PRKN: variants seen among roughly 807,000 people sequenced by gnomAD.
PRKN encodes the protein E3 ubiquitin-protein ligase parkin.
In PRKN, 56 loss-of-function variants were observed where a neutral mutation model predicts 59.5. The observed-to-expected ratio is 0.94, with a 90% CI of 0.76 to 1.18. PRKN has a LOEUF of 1.18. Ranked by LOEUF, PRKN falls within the 50% of genes most tolerant of loss-of-function variation. The probability of loss-of-function intolerance (pLI) is 0.00; values close to 1 mark genes in which losing one functional copy is unlikely to be tolerated. For synonymous variants in PRKN, 250 were observed against 222.1 expected (o/e 1.13, Z -1.12); for missense variants, 657 against 596.4 (o/e 1.10, Z -1.06).
chr6:161,684,064 A>T (rs959992313), intron 7 of PRKN, among the ~76,000 whole-genome samples: 5 of 152,228 alleles, frequency 3.3e-5, no homozygotes, highest in East Asian at 3.8e-4. Context: ...TAAGTATTTT[A>T]AAAAGATATA....
At chr6:162,567,027 T>C (rs1345126260) in intron 1 of PRKN, among the ~76,000 whole-genome samples, 7 of 152,298 alleles carry the variant, frequency 4.6e-5, no homozygotes, top group Middle Eastern at 3.4e-3. Context: ...ATGATTTCAA[T>C]TGATGCTGAA....
At chr6:161,662,389 G>A (rs1784580505) in intron 7 of PRKN, among the ~76,000 whole-genome samples, 1 of 152,144 alleles carries the variant, frequency 6.6e-6, no homozygotes, top group South Asian at 2.1e-4. Context: ...AATGGACTTT[G>A]TTGTTTCGAG....
intron 1 of PRKN, among the ~76,000 whole-genome samples, chr6:162,600,488 C>T (rs536245990): frequency 3.5e-4 from 53 of 152,102 alleles, no homozygotes; most frequent in Non-Finnish European, 6.3e-4. Flanking sequence ...TAAGTGTATA[C>T]GTAAGAGTAC....
At chr6:161,807,715 T>C (rs1309087355) in intron 6 of PRKN, among the ~76,000 whole-genome samples, 4 of 152,176 alleles carry the variant, frequency 2.6e-5, no homozygotes, top group African/African-American at 9.7e-5. Flanking sequence ...ACTGCCTCTG[T>C]ACGTCTTCCC....
chr6:161,358,627 C>T (rs2114854636), intron 11 of PRKN, among the ~76,000 whole-genome samples: 1 of 151,910 alleles, frequency 6.6e-6, no homozygotes, highest in South Asian at 2.1e-4. Flanking sequence ...CTGTGCTTTA[C>T]ACCCTTGTCA....
At chr6:161,883,255 A>C (rs889288042) in intron 6 of PRKN, among the ~76,000 whole-genome samples, 4 of 151,976 alleles carry the variant, frequency 2.6e-5, no homozygotes, top group African/African-American at 9.7e-5. Flanking sequence ...TCATCCTAGC[A>C]CTTTGGGAGG....
At chr6:162,473,803 G>A (rs1218370517) in intron 1 of PRKN, among the ~76,000 whole-genome samples, 2 of 152,082 alleles carry the variant, frequency 1.3e-5, no homozygotes, top group African/African-American at 2.4e-5. Context: ...GATGGCAAGT[G>A]TGGAAAGAGC....
At chr6:162,436,452 C>T (rs1403887979) in intron 2 of PRKN, among the ~76,000 whole-genome samples, 1 of 151,596 alleles carries the variant, frequency 6.6e-6, no homozygotes, top group African/African-American at 2.4e-5. Context: ...CCGCCTCAGC[C>T]TTCCACGTAG....
chr6:161,583,187 T>G (rs1781406866), intron 7 of PRKN, among the ~76,000 whole-genome samples: 1 of 152,220 alleles, frequency 6.6e-6, no homozygotes, highest in Admixed American at 6.5e-5. Context: ...GATGTCACTC[T>G]GAGCACACAG....
At chr6:161,877,849 A>G (rs1302388115) in intron 6 of PRKN, among the ~76,000 whole-genome samples, 1 of 152,092 alleles carries the variant, frequency 6.6e-6, no homozygotes, top group Non-Finnish European at 1.5e-5. Context: ...CTAGGATGGC[A>G]TGTGGGGTGG....
chr6:161,964,954 A>G (rs1029828641), intron 6 of PRKN, among the ~76,000 whole-genome samples: 19 of 152,088 alleles, frequency 1.2e-4, no homozygotes, highest in African/African-American at 4.6e-4. Flanking sequence ...CTATAGCCAG[A>G]ATTAATATGT....
At chr6:161,754,121 G>A (rs1223513995) in intron 7 of PRKN, among the ~76,000 whole-genome samples, 1 of 152,144 alleles carries the variant, frequency 6.6e-6, no homozygotes, top group Admixed American at 6.5e-5. Flanking sequence ...CTGGAATGGA[G>A]GCAGGATTTC....
intron 3 of PRKN, among the ~76,000 whole-genome samples, chr6:162,259,886 T>C (rs965945269): frequency 5.9e-5 from 9 of 152,116 alleles, no homozygotes; most frequent in Non-Finnish European, 8.8e-5. Context: ...GAGTACAAAA[T>C]AGCAAGTAAT....
At chr6:162,559,145 C>T (rs1013129943) in intron 1 of PRKN, among the ~76,000 whole-genome samples, 5 of 96,634 alleles carry the variant, frequency 5.2e-5, no homozygotes, top group South Asian at 1.0e-3. Flanking sequence ...AGCAAGATTC[C>T]GTCTCAAAAA....
At chr6:162,673,992 T>C (rs1012764725) in intron 1 of PRKN, among the ~76,000 whole-genome samples, 1 of 152,172 alleles carries the variant, frequency 6.6e-6, no homozygotes, top group African/African-American at 2.4e-5. Flanking sequence ...CCATACAGAA[T>C]GGAGCTCTTA....
chr6:162,246,219 T>C (rs1380702494), intron 3 of PRKN, among the ~76,000 whole-genome samples: 1 of 152,114 alleles, frequency 6.6e-6, no homozygotes, highest in Non-Finnish European at 1.5e-5. Context: ...ATGAGGTCTT[T>C]CGGGTGAGCC....
intron 3 of PRKN, among the ~76,000 whole-genome samples, chr6:162,247,622 A>G (rs1422216790): frequency 6.6e-6 from 1 of 152,224 alleles, no homozygotes; most frequent in East Asian, 1.9e-4. Context: ...TTGAATTAAT[A>G]AATTCATCTT....
intron 2 of PRKN, among the ~76,000 whole-genome samples, chr6:162,316,747 G>A (rs1782769139): frequency 6.6e-6 from 1 of 151,942 alleles, no homozygotes; most frequent in South Asian, 2.1e-4. Flanking sequence ...TACAAAGAGA[G>A]TGCAAAAGGG....
At chr6:162,313,288 C>T (rs1043062994) in intron 2 of PRKN, among the ~76,000 whole-genome samples, 1 of 152,062 alleles carries the variant, frequency 6.6e-6, no homozygotes, top group African/African-American at 2.4e-5. Flanking sequence ...AACCCAGTCC[C>T]TAGCAACCAA....
Sources: gnomAD v4.1 joint callset for allele counts (sites outside exome capture counted in the v4.1 genomes callset) on GRCh38, gnomAD v4.1.1 for gene constraint, MANE v1.5 for transcripts, NCBI Gene and HGNC (gene_info 2026-07-23, HGNC 2026-07-21) for gene names.